The following MUC13 variants were observed in gnomAD, a reference collection of about 807,000 sequenced individuals.
MUC13 encodes mucin-13.
MUC13 carries 32 observed loss-of-function variants against 48.3 expected under a neutral mutation model. The observed-to-expected ratio is 0.66, with a 90% CI of 0.50 to 0.89. The LOEUF (loss-of-function observed/expected upper bound fraction) is 0.89, where lower values mean the gene tolerates loss of function less well. Ranked by LOEUF, MUC13 falls within the 40% of genes least tolerant of loss-of-function variation. The pLI is 0.00. For missense variants in MUC13, 571 were observed against 622.8 expected, an observed-to-expected ratio of 0.92 and a Z score of 0.88; for synonymous variants, 199 against 224.9, an observed-to-expected ratio of 0.88 and a Z score of 1.03.
chr3:124,909,804 G>A (rs1157997278), intron 10 of MUC13, among the ~76,000 whole-genome samples: 1 of 152,172 alleles, frequency 6.6e-6, no homozygotes. Context: ...GACAACTTCA[G>A]TGGAGTTAAA....
intron 9 of MUC13, among the ~76,000 whole-genome samples, chr3:124,911,221 T>A (rs1935415653): frequency 6.6e-6 from 1 of 152,246 alleles, no homozygotes; most frequent in Admixed American, 6.5e-5. Flanking sequence ...AAATTTCAAA[T>A]GAAATGTGTA....
intron 10 of MUC13, among the ~76,000 whole-genome samples, chr3:124,909,785 ATT>A: frequency 6.6e-6 from 1 of 152,192 alleles, no homozygotes; most frequent in Non-Finnish European, 1.5e-5. Flanking sequence ...CCTGATGAAA[ATT>A]GTATTTGACA....
intron 5 of MUC13, among the ~76,000 whole-genome samples, chr3:124,917,702 T>C (rs1935531977): frequency 6.7e-6 from 1 of 149,666 alleles, no homozygotes; most frequent in East Asian, 2.0e-4. Context: ...AGCATTGTAA[T>C]TTAATATTTT....
chr3:124,924,153 A>G (rs1935650388), intron 2 of MUC13, among the ~76,000 whole-genome samples: 1 of 152,246 alleles, frequency 6.6e-6, no homozygotes, highest in Non-Finnish European at 1.5e-5. Context: ...TAGCCATAAA[A>G]ACAGGAATGG....
intron 1 of MUC13, among the ~76,000 whole-genome samples, 169 bp from the exon 2 acceptor site, chr3:124,928,162 C>T (rs1935729979): frequency 6.6e-6 from 1 of 151,722 alleles, no homozygotes; most frequent in African/African-American, 2.4e-5. Context: ...GCAGTCCACC[C>T]TCCTTGGCCT....
In MUC13 at chr3:124,906,739, G is replaced by A. The variant is rs953735120; in HGVS notation, c.*4C>T. The A allele has an allele frequency of 1.3e-5, 2 of 152,148 alleles. No individual in the cohort carries two copies. The highest frequency in any genetic ancestry group is 4.8e-5 in the African/African-American group (2 of 41,430). 9.4% of individuals were successfully genotyped at this position (152,148 alleles called of 1,614,324 possible). On this transcript the variant is annotated 3_prime_UTR_variant, in exon 12 of 12. Transcript: ENST00000616727. Reference sequence around the variant, plus strand: ...GCCATGGCGGGTTCCACATTCTTATGATTCTAGACAGAAAGAGAGAGGGAG... The same window carrying A: ...GCCATGGCGGGTTCCACATTCTTATAATTCTAGACAGAAAGAGAGAGGGAG...
chr3:124,922,628 A>G (rs1248465061), intron 3 of MUC13, among the ~76,000 whole-genome samples: 2 of 18,590 alleles, frequency 1.1e-4, no homozygotes, highest in African/African-American at 4.5e-4. Context: ...AGAGAGACAG[A>G]TAGGGTCTTG....
intron 9 of MUC13, among the ~76,000 whole-genome samples, chr3:124,910,842 A>G (rs114866908): frequency 0.01 from 1,530 of 152,282 alleles, 33 homozygotes; most frequent in African/African-American, 0.034. Context: ...CCTGCCCTCC[A>G]TACCTCACCT....
chr3:124,923,201 T>G (rs1293292766), intron 3 of MUC13, among the ~76,000 whole-genome samples: 7 of 152,076 alleles, frequency 4.6e-5, no homozygotes, highest in Admixed American at 4.6e-4. Context: ...TGTATAAATG[T>G]ACTCCTGAAA....
intron 10 of MUC13, among the ~76,000 whole-genome samples, chr3:124,908,969 C>T (rs1158516655): frequency 6.6e-6 from 1 of 152,082 alleles, no homozygotes; most frequent in East Asian, 1.9e-4. Context: ...GCCTGGCTAA[C>T]ATGGTGAAAC....
At chr3:124,920,767 T>A (rs1448586987) in intron 4 of MUC13, among the ~76,000 whole-genome samples, 3 of 152,248 alleles carry the variant, frequency 2.0e-5, no homozygotes, top group Non-Finnish European at 1.5e-5. Context: ...TAAAGCCACA[T>A]GAAGTTCTTC....
chr3:124,931,316 A>G (rs947130411), intron 1 of MUC13, among the ~76,000 whole-genome samples: 5 of 151,998 alleles, frequency 3.3e-5, no homozygotes, highest in Admixed American at 3.3e-4. Context: ...CTGTAGTCCC[A>G]ACTACTTGGG....
At chr3:124,932,169 T>G (rs139282372) in intron 1 of MUC13, among the ~76,000 whole-genome samples, 2 of 152,354 alleles carry the variant, frequency 1.3e-5, no homozygotes, top group East Asian at 3.9e-4. Flanking sequence ...ATGCTCAATT[T>G]TTATTTCATA....
intron 5 of MUC13, among the ~76,000 whole-genome samples, chr3:124,919,880 C>T (rs546016863): frequency 6.6e-6 from 1 of 152,190 alleles, no homozygotes; most frequent in South Asian, 2.1e-4. Context: ...CAGTCTCCCC[C>T]CGGCCCACTG....
chr3:124,908,634 C>A (rs1225531350), intron 10 of MUC13, among the ~76,000 whole-genome samples: 1 of 152,162 alleles, frequency 6.6e-6, no homozygotes, highest in East Asian at 1.9e-4. Flanking sequence ...AAATAAAGCA[C>A]TTCATTATTT....
chr3:124,924,439 A>G (rs764422574), intron 2 of MUC13, among the ~76,000 whole-genome samples: 5 of 152,196 alleles, frequency 3.3e-5, no homozygotes, highest in Non-Finnish European at 7.3e-5. Flanking sequence ...AAGTGGAATG[A>G]TTCTGAGCTG....
At chr3:124,926,795 A>G (rs1935695293) in intron 2 of MUC13, among the ~76,000 whole-genome samples, 1 of 152,200 alleles carries the variant, frequency 6.6e-6, no homozygotes, top group Non-Finnish European at 1.5e-5. Flanking sequence ...TTTCATGTTA[A>G]AATAGTAGAG....
intron 5 of MUC13, among the ~76,000 whole-genome samples, chr3:124,919,005 ACTCT>A (rs113334699): frequency 6.7e-6 from 1 of 149,346 alleles, no homozygotes; most frequent in Non-Finnish European, 1.5e-5. Flanking sequence ...TTATACACAT[ACTCT>A]CTCTCTCTCT....
rs542844279 is a variant in MUC13 at position 124,928,562 on chromosome 3, T to C, written c.53-569A>G. ...GGCTGGCTAATTTTTTTGTGTGTTT[T>C]AGAGATGAGGGTCTCACTATGCTGG... On this transcript the variant is annotated intron_variant, in intron 1 of 11. Coordinates refer to ENST00000616727, the MANE Select transcript of MUC13 (RefSeq NM_033049.4). Among the ~76,000 whole-genome samples, 3 of 152,082 alleles carry C rather than the reference T, an allele frequency of 2.0e-5. 1 individual carries two copies. In the South Asian group the frequency reaches 6.2e-4, roughly 32 times the overall value.
Sources: allele counts gnomAD v4.1 joint callset (sites outside exome capture counted in the v4.1 genomes callset), GRCh38; gene constraint gnomAD v4.1.1; transcripts MANE v1.5; gene names NCBI Gene and HGNC (gene_info 2026-07-23, HGNC 2026-07-21).